Variants in MAF observed in about 807,000 individuals in gnomAD.
MAF encodes the protein MAF bZIP transcription factor, also known as transcription factor Maf.
Under a neutral mutation model 22.0 loss-of-function variants are expected in MAF, and 10 were observed. The observed-to-expected ratio is 0.45, with a 90% CI of 0.28 to 0.77. The LOEUF is 0.77. MAF is among the 30% of genes least tolerant of loss of function. MAF has a pLI of 0.12. For synonymous variants in MAF, 337 were observed against 255.8 expected (o/e 1.32, Z -3.03); for missense variants, 544 against 548.4 (o/e 0.99, Z 0.08).
chr16:79,495,279 T>A, the MAF span, among the ~76,000 whole-genome samples: 2 of 152,062 alleles, frequency 1.3e-5, no homozygotes, highest in African/African-American at 4.8e-5. Flanking sequence ...CTAGACAACA[T>A]AGTGAGACCC....
the MAF span, among the ~76,000 whole-genome samples, chr16:79,406,760 C>G: frequency 1.3e-5 from 2 of 152,138 alleles, no homozygotes; most frequent in Non-Finnish European, 2.9e-5. Context: ...TGTTTTCAAC[C>G]GTAAAACGGA....
At chr16:79,597,015 G>A (rs1178288814) in intron 1 of MAF, 14 of 1,054,922 alleles carry the variant, frequency 1.3e-5, no homozygotes, top group Non-Finnish European at 1.4e-5. Context: ...AAACAGGGGC[G>A]TTTCCCCTCT....
At chr16:79,559,323 G>A in the MAF span, among the ~76,000 whole-genome samples, 1 of 152,162 alleles carries the variant, frequency 6.6e-6, no homozygotes, top group African/African-American at 2.4e-5. Context: ...CACATTGCAA[G>A]AACGAAAAGG....
At chr16:79,315,099 T>C in the MAF span, among the ~76,000 whole-genome samples, 2 of 152,240 alleles carry the variant, frequency 1.3e-5, no homozygotes, top group Non-Finnish European at 2.9e-5. Context: ...ATTCATTATT[T>C]CATTTATTCA....
the MAF span, among the ~76,000 whole-genome samples, chr16:79,367,642 G>A: frequency 6.6e-6 from 1 of 152,186 alleles, no homozygotes; most frequent in African/African-American, 2.4e-5. Flanking sequence ...GTAGCTACAT[G>A]TGACTACTGA....
chr16:79,588,455 G>C (rs1912990805), intron 1 of MAF, among the ~76,000 whole-genome samples: 1 of 151,404 alleles, frequency 6.6e-6, no homozygotes, highest in Non-Finnish European at 1.5e-5. Context: ...TTTTTTTTAA[G>C]ATACAGTCTT....
chr16:79,493,774 G>T, the MAF span, among the ~76,000 whole-genome samples: 1 of 152,110 alleles, frequency 6.6e-6, no homozygotes, highest in African/African-American at 2.4e-5. Context: ...CATTTTCTTT[G>T]CTGGAAAGAA....
the MAF span, among the ~76,000 whole-genome samples, chr16:79,263,889 G>A: frequency 3.3e-5 from 5 of 152,130 alleles, no homozygotes; most frequent in African/African-American, 1.2e-4. Context: ...ACCATTTCTA[G>A]GTGGTCCCAC....
chr16:79,315,551 A>G, the MAF span, among the ~76,000 whole-genome samples: 1 of 152,198 alleles, frequency 6.6e-6, no homozygotes, highest in Non-Finnish European at 1.5e-5. Context: ...AAGTGTACCC[A>G]TTTTACAGAC....
At chr16:79,586,559 G>A (rs1912854563) in intron 1 of MAF, among the ~76,000 whole-genome samples, 1 of 152,160 alleles carries the variant, frequency 6.6e-6, no homozygotes, top group African/African-American at 2.4e-5. Context: ...TGCTTAGAAC[G>A]GTGATATGAA....
the MAF span, among the ~76,000 whole-genome samples, chr16:79,369,144 T>A: frequency 6.6e-6 from 1 of 152,224 alleles, no homozygotes; most frequent in African/African-American, 2.4e-5. Flanking sequence ...ACAATCAGCT[T>A]TGCAAATGAG....
the MAF span, among the ~76,000 whole-genome samples, chr16:79,299,498 G>C: frequency 6.6e-6 from 1 of 152,188 alleles, no homozygotes; most frequent in Non-Finnish European, 1.5e-5. Context: ...CGGGTGGCCG[G>C]AGAAGGAGGG....
chr16:79,379,338 G>A, the MAF span, among the ~76,000 whole-genome samples: 1 of 152,182 alleles, frequency 6.6e-6, no homozygotes, highest in Non-Finnish European at 1.5e-5. Flanking sequence ...GGGTGTGTCA[G>A]CCCTCTCCCA....
the MAF span, among the ~76,000 whole-genome samples, chr16:79,395,581 G>C: frequency 6.6e-6 from 1 of 152,082 alleles, no homozygotes; most frequent in Non-Finnish European, 1.5e-5. Flanking sequence ...GCAGAGGTTG[G>C]AGCATCGCAT....
the MAF span, among the ~76,000 whole-genome samples, chr16:79,381,799 A>G: frequency 6.6e-6 from 1 of 152,250 alleles, no homozygotes; most frequent in South Asian, 2.1e-4. Context: ...TGGAGAACAC[A>G]TTGGCCCTGA....
the MAF span, among the ~76,000 whole-genome samples, chr16:79,544,131 G>C: frequency 2.6e-5 from 4 of 151,682 alleles, no homozygotes; most frequent in Admixed American, 1.3e-4. Flanking sequence ...GGTCAACCGT[G>C]GGGGGGAAAG....
the MAF span, among the ~76,000 whole-genome samples, chr16:79,396,881 C>G: frequency 6.6e-6 from 1 of 152,230 alleles, no homozygotes; most frequent in African/African-American, 2.4e-5. Context: ...ACATTGTAAG[C>G]ACTCCAGAAT....
the MAF span, among the ~76,000 whole-genome samples, chr16:79,331,930 T>C: frequency 6.6e-6 from 1 of 152,180 alleles, no homozygotes; most frequent in Admixed American, 6.5e-5. Flanking sequence ...CCTATCTCTA[T>C]CATTCACTCG....
the MAF span, among the ~76,000 whole-genome samples, chr16:79,421,357 C>G: frequency 6.6e-6 from 1 of 152,172 alleles, no homozygotes; most frequent in Non-Finnish European, 1.5e-5. Flanking sequence ...CCTGAAAACC[C>G]TCTGTGCTCT....
Sources: gnomAD v4.1 joint callset for allele counts (sites outside exome capture counted in the v4.1 genomes callset) on GRCh38, gnomAD v4.1.1 for gene constraint, MANE v1.5 for transcripts, NCBI Gene and HGNC (gene_info 2026-07-23, HGNC 2026-07-21) for gene names.